Variants in ANKRD18B observed in about 807,000 individuals in gnomAD.
ANKRD18B encodes ankyrin repeat domain 18B.
In ANKRD18B, 75 loss-of-function variants were observed where a neutral mutation model predicts 111.8. The ratio of observed to expected loss-of-function variants is 0.67; its 90% CI spans 0.56 to 0.81. The LOEUF (loss-of-function observed/expected upper bound fraction) is 0.81, where lower values mean the gene tolerates loss of function less well. ANKRD18B is among the 40% of genes least tolerant of loss of function. The pLI, the probability that ANKRD18B is intolerant of heterozygous loss-of-function variation, is 0.00. For missense variants in ANKRD18B, 1,038 were observed against 1,225.5 expected, an observed-to-expected ratio of 0.85 and a Z score of 2.28; for synonymous variants, 356 against 417.3, an observed-to-expected ratio of 0.85 and a Z score of 1.79.
chr9:33,524,796 G>C, intron 1 of ANKRD18B, 101 bp downstream of exon 1: 3 of 1,401,042 alleles, frequency 2.1e-6, no homozygotes, highest in Non-Finnish European at 2.9e-6. Context: ...CCTGGGAGCC[G>C]CGGAGCCAAA....
At position 33,534,481 on chromosome 9, in the gene ANKRD18B, T is replaced by A. The variant is rs1454709101; in HGVS notation, c.714T>A (p.Asp238Glu). ...SQDMFGQTAE[D>E]YAFCCDLRSI... ...ACATGTTTGGCCAAACTGCCGAGGA[T>A]TATGCTTTTTGTTGTGATTTGAGAA... Residue 238 changes from aspartate to glutamate, a missense_variant, in exon 5 of 19, where the codon GAT (aspartate) becomes GAA (glutamate). By Grantham distance (45) the Asp-to-Glu change is conservative. Transcript: ENST00000684830. The A allele has an allele frequency of 6.5e-7, 1 of 1,547,874 alleles. No homozygotes were observed. Among genetic ancestry groups the A allele is most frequent in the Admixed American group, 2.0e-5 (1 of 49,958 alleles).
At chr9:33,554,232 T>A (rs1828490212) in intron 12 of ANKRD18B, among the ~76,000 whole-genome samples, 1 of 151,548 alleles carries the variant, frequency 6.6e-6, no homozygotes, top group South Asian at 2.1e-4. Flanking sequence ...AGTATACTGG[T>A]GAATATCCTA....
At chr9:33,549,356 A>AT (rs1828414874) in intron 11 of ANKRD18B, among the ~76,000 whole-genome samples, 1 of 152,178 alleles carries the variant, frequency 6.6e-6, no homozygotes, top group South Asian at 2.1e-4. Flanking sequence ...GAGTAAAGAC[A>AT]TTATGTCACC....
chr9:33,555,894 T>C (rs1828519012), intron 13 of ANKRD18B, 74 bp downstream of exon 13: 1 of 997,030 alleles, frequency 1.0e-6, no homozygotes, highest in African/African-American at 1.7e-5. Flanking sequence ...TGACTAAAAC[T>C]TTGATACAAA....
At chr9:33,550,352 A>C in intron 11 of ANKRD18B, 78 bp from the exon 12 acceptor site, 1 of 1,367,476 alleles carries the variant, frequency 7.3e-7, no homozygotes, top group South Asian at 1.7e-5. Flanking sequence ...TTTTCAAAGT[A>C]TGTATGCTAG....
chr9:33,574,446 G>A (rs2380780), downstream of ANKRD18B: 150,420 of 152,990 alleles, frequency 0.98, 73,999 homozygotes, highest in East Asian at 1. Flanking sequence ...GCCTGGAAAG[G>A]GAACGTGAGA....
rs368222618 is a variant in ANKRD18B, at chr9:33,562,672, G to A, written c.2461-3547G>A. 2.6e-3 allele frequency among the ~76,000 whole-genome samples: 399 copies of A among 152,340 alleles called. 2 individuals are homozygous for A. The highest frequency in any genetic ancestry group is 9.0e-3 in the African/African-American group (376 of 41,574). On this transcript the variant is annotated intron_variant, in intron 14 of 18. Transcript: ENST00000684830. ...GCATTGTGGTATAATACAGAGATGG[G>A]ATGGTCTTAACTTCTCCATGCAAAC...
At position 33,555,820 on chromosome 9, in the gene ANKRD18B, G is replaced by C. The variant is rs2118090477; in HGVS notation, c.2330G>C (p.Gly777Ala). ...KNRELEEEAT[G>A]YKKCLEMTIN... Reference sequence around the variant, plus strand: ...CGTGAATTAGAAGAAGAGGCAACTGGGTATGGTTTTCATATTGTAGAACAT... The same window carrying C: ...CGTGAATTAGAAGAAGAGGCAACTGCGTATGGTTTTCATATTGTAGAACAT... Residue 777 changes from glycine (G) to alanine (A), a missense_variant and splice_region_variant, in exon 13 of 19, where the codon GGA becomes GCA. Physicochemically the swap from Gly to Ala is moderately conservative, Grantham distance 60. This residue lies in a region of ANKRD18B where 524 missense variants were observed against 677.9 expected (regional missense o/e 0.77). Transcript: ENST00000684830. The C allele has an allele frequency of 7.4e-7, 1 of 1,352,692 alleles. No homozygotes were observed. The highest frequency in any genetic ancestry group is 3.0e-5 in the East Asian group (1 of 33,140). The allele number at this position is 1,352,692 out of a possible 1,614,324, so 83.8% of individuals were successfully genotyped here. A position where few individuals can be genotyped will look rare whatever the true frequency, so the allele number is the denominator to read the frequency against.
chr9:33,558,152 A>G lies in ANKRD18B; in HGVS notation c.2425A>G (p.Lys809Glu). The stretch of plus-strand genomic sequence containing the variant: ...TGGAGACTTAAATACAGACCAACTG[A>G]AAATGGATATTCTGTTTAAGAAGCT... ...CHGDLNTDQL[K>E]MDILFKKLKQ... Residue 809 changes from lysine to glutamate, a missense_variant, in exon 14 of 19, where the codon AAA becomes GAA. Lys to Glu is a moderately conservative substitution (Grantham distance 56). This residue lies in a region of ANKRD18B where 524 missense variants were observed against 677.9 expected (regional missense o/e 0.77). Transcript: ENST00000684830. 6.2e-7 allele frequency: 1 copy of G among 1,611,396 alleles called. No homozygotes were observed.
chr9:33,538,005 T>C (rs1484583923), intron 6 of ANKRD18B, among the ~76,000 whole-genome samples: 3 of 152,212 alleles, frequency 2.0e-5, no homozygotes, highest in Admixed American at 1.3e-4. Flanking sequence ...TTGGTTTTGC[T>C]GTCTCTGGGT....
intron 13 of ANKRD18B, among the ~76,000 whole-genome samples, 168 bp from the exon 14 acceptor site, chr9:33,557,890 G>C (rs1326295466): frequency 6.6e-6 from 1 of 151,770 alleles, no homozygotes; most frequent in Non-Finnish European, 1.5e-5. Context: ...ATTTATATAA[G>C]ATTATAATTT....
At chr9:33,537,619 G>T (rs1828220871) in intron 6 of ANKRD18B, among the ~76,000 whole-genome samples, 1 of 152,080 alleles carries the variant, frequency 6.6e-6, no homozygotes, top group Admixed American at 6.5e-5. Context: ...AATTTTTATA[G>T]CAAATGGTTT....
At chr9:33,570,598 A>G (rs1828757102) in intron 17 of ANKRD18B, among the ~76,000 whole-genome samples, 1 of 152,060 alleles carries the variant, frequency 6.6e-6, no homozygotes, top group Non-Finnish European at 1.5e-5. Context: ...TTTCAAAGCA[A>G]TGCATTCATT....
chr9:33,527,414 A>C (rs929409560), intron 1 of ANKRD18B, among the ~76,000 whole-genome samples: 2 of 151,964 alleles, frequency 1.3e-5, no homozygotes, highest in South Asian at 2.1e-4. Flanking sequence ...CTCTGCTGCC[A>C]AGGTTCAAGC....
intron 3 of ANKRD18B, among the ~76,000 whole-genome samples, chr9:33,530,495 A>G (rs561573031): frequency 4.2e-5 from 6 of 142,530 alleles, no homozygotes; most frequent in Non-Finnish European, 7.6e-5. Context: ...AAAAATACAT[A>G]GTAAGACTCT....
intron 18 of ANKRD18B, 66 bp downstream of exon 18, chr9:33,571,357 G>A (rs1203935876): frequency 4.4e-6 from 3 of 688,496 alleles, no homozygotes; most frequent in Non-Finnish European, 6.0e-6. Flanking sequence ...AATAGCAAAT[G>A]GCATTCCTTT....
At chr9:33,546,381 A>G (rs374334271) in intron 10 of ANKRD18B, among the ~76,000 whole-genome samples, 2 of 152,150 alleles carry the variant, frequency 1.3e-5, no homozygotes, top group East Asian at 3.9e-4. Flanking sequence ...GAAAATCACC[A>G]CTCCAATGTT....
At chr9:33,547,470 T>C (rs1828373708) in intron 10 of ANKRD18B, among the ~76,000 whole-genome samples, 1 of 152,138 alleles carries the variant, frequency 6.6e-6, no homozygotes. Flanking sequence ...AACAGAACTT[T>C]TAAAACTTTG....
chr9:33,529,236 A>G, intron 3 of ANKRD18B, 63 bp downstream of exon 3: 1 of 1,493,892 alleles, frequency 6.7e-7, no homozygotes. Flanking sequence ...GTAAGAGTCA[A>G]TTTTTCATAT....
Sources: gnomAD v4.1 joint callset for allele counts (sites outside exome capture counted in the v4.1 genomes callset) on GRCh38, gnomAD v4.1.1 for gene constraint, gnomAD v4.1.1 regional missense constraint, MANE v1.5 for transcripts, NCBI Gene and HGNC (gene_info 2026-07-23, HGNC 2026-07-21) for gene names.